MOB4: variants seen among roughly 807,000 people sequenced by gnomAD.
MOB4 encodes the protein MOB-like protein phocein.
A neutral mutation model predicts 32.2 loss-of-function variants in MOB4; 4 were observed. The ratio of observed to expected loss-of-function variants is 0.12; its 90% CI spans 0.06 to 0.28. The LOEUF (loss-of-function observed/expected upper bound fraction) is 0.28. MOB4 is among the 10% of genes least tolerant of loss of function. The pLI, the probability that MOB4 is intolerant of heterozygous loss-of-function variation, is 1.00. For synonymous variants in MOB4, 88 were observed against 88.1 expected (o/e 1.00, Z 0.01); for missense variants, 158 against 271.2 (o/e 0.58, Z 2.93).
chr2:197,528,777 G>C (rs1415478784), intron 2 of MOB4, among the ~76,000 whole-genome samples: 1 of 150,166 alleles, frequency 6.7e-6, no homozygotes, highest in Non-Finnish European at 1.5e-5. Context: ...CATCACCCCC[G>C]GCTAATTTTT....
chr2:197,527,231 T>C (rs1359462950), intron 2 of MOB4, among the ~76,000 whole-genome samples: 1 of 152,204 alleles, frequency 6.6e-6, no homozygotes, highest in Non-Finnish European at 1.5e-5. Flanking sequence ...TAGATTGCTT[T>C]AGGTAGCATT....
At chr2:197,525,676 C>T (rs2086599980) in intron 2 of MOB4, among the ~76,000 whole-genome samples, 1 of 148,772 alleles carries the variant, frequency 6.7e-6, no homozygotes, top group Non-Finnish European at 1.5e-5. Context: ...GATTGCACCA[C>T]TGCACTCCAG....
At chr2:197,529,366 T>A (rs1001224678) in intron 2 of MOB4, among the ~76,000 whole-genome samples, 2 of 151,994 alleles carry the variant, frequency 1.3e-5, no homozygotes, top group Non-Finnish European at 2.9e-5. Flanking sequence ...TTATTTATTT[T>A]TTTGAGATAG....
rs2087119908 is a variant in MOB4 at position 197,552,856 on chromosome 2, G to T, written c.*2210G>T. 6.6e-6 allele frequency: 1 copy of T among 152,264 alleles called. No homozygotes were observed. The highest frequency in any genetic ancestry group is 2.4e-5 in the African/African-American group (1 of 41,466). The allele number at this position is 152,264 out of a possible 1,614,324, so 9.4% of individuals were successfully genotyped here. Reference sequence around the variant, plus strand: ...TAAGAGGGGAACAAGACAGTTCTGTGTGATAAGGAAGTTAGGCTCCACTTT... The same window carrying T: ...TAAGAGGGGAACAAGACAGTTCTGTTTGATAAGGAAGTTAGGCTCCACTTT... On this transcript the variant is annotated 3_prime_UTR_variant, in exon 8 of 8. Coordinates refer to ENST00000323303, the MANE Select transcript of MOB4 (RefSeq NM_015387.5).
chr2:197,518,149 C>G (rs1395905793), intron 1 of MOB4, among the ~76,000 whole-genome samples: 1 of 151,536 alleles, frequency 6.6e-6, no homozygotes, highest in Non-Finnish European at 1.5e-5. Flanking sequence ...CTCAAACAAA[C>G]AAACAAAAAA....
rs567876579 is a variant in MOB4 at position 197,535,120 on chromosome 2, G to T, written c.124-410G>T. Among the ~76,000 whole-genome samples, 11 of 152,152 alleles carry T rather than the reference G, an allele frequency of 7.2e-5. No individual in the cohort carries two copies. In the East Asian group the frequency reaches 2.1e-3, roughly 29 times the overall value. On this transcript the variant is annotated intron_variant, in intron 2 of 7. Transcript: ENST00000323303. ...TGCCTGTAGTCCCAGCTCCTCAGGA[G>T]GCTGAGGTGGGAGGATTGCTTGAGC...
chr2:197,547,339 A>G (rs1204662008), intron 5 of MOB4, among the ~76,000 whole-genome samples: 2 of 152,172 alleles, frequency 1.3e-5, no homozygotes, highest in Admixed American at 6.5e-5. Flanking sequence ...GTCTCATGGT[A>G]TACCCAAATG....
chr2:197,527,438 T>C (rs2086629146), intron 2 of MOB4, among the ~76,000 whole-genome samples: 1 of 152,266 alleles, frequency 6.6e-6, no homozygotes, highest in Non-Finnish European at 1.5e-5. Context: ...TCTTCCTTTT[T>C]AGATTCTTAC....
Position 197,516,071 on chromosome 2 carries a change from C to T in MOB4, c.-16C>T, listed in dbSNP as rs766422878. The T allele has an allele frequency of 1.3e-6, 2 of 1,581,796 alleles. No homozygotes were observed. Among genetic ancestry groups the T allele is most frequent in the South Asian group, 1.2e-5 (1 of 86,470 alleles). ...TACATCCGGGTACCGACTCCAGCCGCCTAGACGCTGGCACTATGGTCATGG... is the reference window on the plus strand; with the variant it reads ...TACATCCGGGTACCGACTCCAGCCGTCTAGACGCTGGCACTATGGTCATGG... On this transcript the variant is annotated 5_prime_UTR_variant, in exon 1 of 8. Coordinates refer to ENST00000323303, the MANE Select transcript of MOB4 (RefSeq NM_015387.5).
chr2:197,541,727 G>A (rs551616926), intron 5 of MOB4, among the ~76,000 whole-genome samples: 2 of 151,968 alleles, frequency 1.3e-5, no homozygotes, highest in Non-Finnish European at 1.5e-5. Flanking sequence ...AGACCATCCC[G>A]GCTAAAACGG....
At chr2:197,549,175 C>T (rs999710432) in intron 6 of MOB4, among the ~76,000 whole-genome samples, 2 of 151,956 alleles carry the variant, frequency 1.3e-5, no homozygotes, top group African/African-American at 4.8e-5. Context: ...TTGTGGTGAG[C>T]CGAGATCGCG....
intron 3 of MOB4, among the ~76,000 whole-genome samples, chr2:197,536,276 G>T (rs1039760331): frequency 6.6e-6 from 1 of 151,228 alleles, no homozygotes; most frequent in African/African-American, 2.4e-5. Flanking sequence ...CAATCTTGGC[G>T]CATTGCAGCC....
intron 2 of MOB4, among the ~76,000 whole-genome samples, chr2:197,527,011 A>G (rs534344022): frequency 8.3e-4 from 126 of 152,116 alleles, no homozygotes; most frequent in African/African-American, 2.9e-3. Context: ...GTTGGTTTTG[A>G]ACTCTTGGCT....
At chr2:197,537,537 C>T (rs570549419) in intron 3 of MOB4, among the ~76,000 whole-genome samples, 1 of 152,294 alleles carries the variant, frequency 6.6e-6, no homozygotes, top group Admixed American at 6.5e-5. Flanking sequence ...ATGGCTAAGA[C>T]ATTATGTCGT....
chr2:197,515,716 A>T, upstream of MOB4: 1 of 279,426 alleles, frequency 3.6e-6, no homozygotes, highest in South Asian at 4.4e-5. Context: ...CCACTATACG[A>T]AGTTCGTTCT....
chr2:197,523,876 T>G (rs1160827770), intron 2 of MOB4, among the ~76,000 whole-genome samples, 190 bp downstream of exon 2: 2 of 152,246 alleles, frequency 1.3e-5, no homozygotes, highest in African/African-American at 4.8e-5. Flanking sequence ...CTGACATAGT[T>G]AAGTATTCTT....
At chr2:197,527,414 A>G (rs2086628861) in intron 2 of MOB4, among the ~76,000 whole-genome samples, 1 of 152,204 alleles carries the variant, frequency 6.6e-6, no homozygotes, top group Non-Finnish European at 1.5e-5. Flanking sequence ...GTGCTATTGT[A>G]AGTGGAATTG....
intron 2 of MOB4, among the ~76,000 whole-genome samples, chr2:197,535,048 T>G (rs528098251): frequency 1.3e-5 from 2 of 151,956 alleles, no homozygotes; most frequent in Non-Finnish European, 2.9e-5. Flanking sequence ...TATGGTGAAA[T>G]CCTGTATCTA....
intron 2 of MOB4, among the ~76,000 whole-genome samples, chr2:197,526,883 A>G (rs2086620338): frequency 6.6e-6 from 1 of 152,112 alleles, no homozygotes; most frequent in Non-Finnish European, 1.5e-5. Context: ...CCAGTATCAC[A>G]CAGTGTTTGA....
Sources: gnomAD v4.1 joint callset for allele counts (sites outside exome capture counted in the v4.1 genomes callset) on GRCh38, gnomAD v4.1.1 for gene constraint, MANE v1.5 for transcripts, NCBI Gene and HGNC (gene_info 2026-07-23, HGNC 2026-07-21) for gene names.